Variants in CYP20A1 observed in about 807,000 individuals in gnomAD.
CYP20A1 encodes cytochrome P450 20A1.
In CYP20A1, 61 loss-of-function variants were observed where a neutral mutation model predicts 61.4. That is an observed-to-expected ratio of 0.99 (90% confidence interval 0.81 to 1.23). The LOEUF (loss-of-function observed/expected upper bound fraction) is 1.23. Among genes scored for constraint, CYP20A1 ranks in the 50% most tolerant of loss-of-function variants. The pLI, the probability that CYP20A1 is intolerant of heterozygous loss-of-function variation, is 0.00. For synonymous variants in CYP20A1, 193 were observed against 188.2 expected, an observed-to-expected ratio of 1.03 and a Z score of -0.21; for missense variants, 530 against 542.4, an observed-to-expected ratio of 0.98 and a Z score of 0.23.
In CYP20A1 at chr2:203,305,194, CTTTTTTTT is replaced by C. The variant is rs11304494; in HGVS notation, c.*8304_*8311del. ...AATTGGTTTACAGTTCGGTGGCTGT[CTTTTTTTT>C]TTTTTTTTTTTTTTTTTGAGACCGA... On this transcript the variant is annotated 3_prime_UTR_variant, in exon 13 of 13. Coordinates refer to ENST00000356079, the MANE Select transcript of CYP20A1 (RefSeq NM_177538.3). 1.2e-4 allele frequency among the ~76,000 whole-genome samples: 7 copies of C among 56,924 alleles called. No homozygotes were observed. Among genetic ancestry groups the C allele is most frequent in the African/African-American group, 3.8e-4 (5 of 13,014 alleles). The allele number at this position is 56,924 out of a possible 152,430, so 37.3% of individuals were successfully genotyped here. A position where few individuals can be genotyped will look rare whatever the true frequency, so the allele number is the denominator to read the frequency against.
chr2:203,249,538 C>T (rs2066582152), intron 3 of CYP20A1, among the ~76,000 whole-genome samples: 1 of 151,988 alleles, frequency 6.6e-6, no homozygotes, highest in Admixed American at 6.6e-5. Context: ...TATATATAGT[C>T]CTTAAAAACT....
intron 4 of CYP20A1, among the ~76,000 whole-genome samples, chr2:203,265,506 A>G (rs930309585): frequency 6.6e-6 from 1 of 152,048 alleles, no homozygotes; most frequent in Non-Finnish European, 1.5e-5. Flanking sequence ...ATGCACCCAC[A>G]TTCTGTTATT....
chr2:203,252,378 A>G (rs1443590624), intron 4 of CYP20A1, among the ~76,000 whole-genome samples: 8 of 150,342 alleles, frequency 5.3e-5, no homozygotes, highest in African/African-American at 7.3e-5. Context: ...GTATGTGTAT[A>G]TATATATATA....
At chr2:203,252,917 TG>T (rs1325072642) in intron 4 of CYP20A1, among the ~76,000 whole-genome samples, 2 of 152,028 alleles carry the variant, frequency 1.3e-5, no homozygotes, top group Non-Finnish European at 2.9e-5. Flanking sequence ...TGTTCGTAAT[TG>T]GGGTGGTGAG....
chr2:203,285,293 C>T (rs1355199150), intron 8 of CYP20A1, among the ~76,000 whole-genome samples: 1 of 152,080 alleles, frequency 6.6e-6, no homozygotes, highest in Non-Finnish European at 1.5e-5. Context: ...AGCACTCCTA[C>T]AGATATGATA....
rs868033565 is a variant in CYP20A1, at chr2:203,257,631, T to C, written c.432+5522T>C. ...AGTGAAACTCCGTCTCTACTAAAAATACAAAAAATTAGCTGGGCGTGGTGG... is the reference window on the plus strand; with the variant it reads ...AGTGAAACTCCGTCTCTACTAAAAACACAAAAAATTAGCTGGGCGTGGTGG... On this transcript the variant is annotated intron_variant, in intron 4 of 12. Coordinates refer to ENST00000356079, the MANE Select transcript of CYP20A1 (RefSeq NM_177538.3). Among the ~76,000 whole-genome samples the C allele has an allele frequency of 5.9e-5, 9 of 151,776 alleles. No individual in the cohort carries two copies. In the South Asian group the frequency reaches 1.0e-3, roughly 18 times the overall value.
chr2:203,292,886 T>C (rs773406227), intron 11 of CYP20A1, among the ~76,000 whole-genome samples: 4 of 152,094 alleles, frequency 2.6e-5, no homozygotes, highest in Non-Finnish European at 5.9e-5. Context: ...TTTAAGAAAA[T>C]TAAAGCAGGC....
Position 203,274,708 on chromosome 2 carries a change from T to C in CYP20A1, c.679+1960T>C, listed in dbSNP as rs184501457. ...TCCCTGTCCTCATTAGCTTACTGTT[T>C]TAGTGATTTTCTTGGTCCAACAGAA... is the stretch of plus-strand genomic sequence containing the variant. On this transcript the variant is annotated intron_variant, in intron 6 of 12. Transcript: ENST00000356079. Among the ~76,000 whole-genome samples, 854 of 152,148 alleles carry C rather than the reference T, an allele frequency of 5.6e-3. 3 individuals are homozygous for C. Among genetic ancestry groups the C allele is most frequent in the Non-Finnish European group, 9.9e-3 (674 of 68,002 alleles).
At chr2:203,249,836 C>G (rs1346181759) in intron 3 of CYP20A1, among the ~76,000 whole-genome samples, 1 of 151,992 alleles carries the variant, frequency 6.6e-6, no homozygotes, top group Non-Finnish European at 1.5e-5. Context: ...CAGATCGAGA[C>G]TCCATCTCAA....
At chr2:203,282,035 CT>C (rs113768629) in intron 8 of CYP20A1, among the ~76,000 whole-genome samples, 4,044 of 116,386 alleles carry the variant, frequency 0.035, 113 homozygotes, top group African/African-American at 0.12. Context: ...TGTATTCAAC[CT>C]TTTTTTTTTT....
intron 4 of CYP20A1, among the ~76,000 whole-genome samples, chr2:203,252,391 TTTTG>T (rs1192520624): frequency 6.6e-6 from 1 of 151,352 alleles, no homozygotes; most frequent in Non-Finnish European, 1.5e-5. Flanking sequence ...TATATATATA[TTTTG>T]TTGTTGTTAT....
chr2:203,250,798 C>G (rs899858268), intron 3 of CYP20A1, among the ~76,000 whole-genome samples: 1 of 152,142 alleles, frequency 6.6e-6, no homozygotes. Context: ...GGTGCGGTGG[C>G]TCACGCCTGT....
chr2:203,283,794 G>A (rs1303600090), intron 8 of CYP20A1, among the ~76,000 whole-genome samples: 4 of 151,860 alleles, frequency 2.6e-5, no homozygotes, highest in African/African-American at 7.3e-5. Flanking sequence ...TGATCTGCCC[G>A]CCTCGGCCTC....
chr2:203,264,229 C>G (rs1490247371), intron 4 of CYP20A1, among the ~76,000 whole-genome samples: 1 of 152,000 alleles, frequency 6.6e-6, no homozygotes, highest in Non-Finnish European at 1.5e-5. Context: ...TCAAACAGTC[C>G]TCCCACTTTA....
At chr2:203,252,644 C>T (rs1395535282) in intron 4 of CYP20A1, among the ~76,000 whole-genome samples, 1 of 152,108 alleles carries the variant, frequency 6.6e-6, no homozygotes, top group African/African-American at 2.4e-5. Context: ...GTCTACCCAC[C>T]TCTGCCTCCC....
intron 4 of CYP20A1, 35 bp from the exon 5 acceptor site, chr2:203,266,479 A>C (rs748153068): frequency 7.0e-6 from 11 of 1,579,854 alleles, no homozygotes; most frequent in Non-Finnish European, 8.7e-6. Flanking sequence ...AGAAAGAAGA[A>C]ACAGTAATCA....
chr2:203,251,385 T>C (rs1288225925), intron 3 of CYP20A1, among the ~76,000 whole-genome samples: 4 of 151,826 alleles, frequency 2.6e-5, no homozygotes, highest in Non-Finnish European at 4.4e-5. Flanking sequence ...AGGTAGAAAA[T>C]TTATGTCTGT....
intron 4 of CYP20A1, among the ~76,000 whole-genome samples, chr2:203,257,466 G>A (rs1036286542): frequency 6.6e-6 from 1 of 151,778 alleles, no homozygotes; most frequent in African/African-American, 2.4e-5. Context: ...TTAAGAGTAT[G>A]CCTTATTAAA....
chr2:203,254,212 T>C (rs904288190), intron 4 of CYP20A1, among the ~76,000 whole-genome samples: 1 of 152,206 alleles, frequency 6.6e-6, no homozygotes, highest in Non-Finnish European at 1.5e-5. Context: ...CCCAAAGTGC[T>C]GGGATTACAG....
Sources: allele counts gnomAD v4.1 joint callset (sites outside exome capture counted in the v4.1 genomes callset), GRCh38; gene constraint gnomAD v4.1.1; transcripts MANE v1.5; gene names NCBI Gene and HGNC (gene_info 2026-07-23, HGNC 2026-07-21).